FA2H: variants seen among roughly 807,000 people sequenced by gnomAD.
The protein encoded by FA2H is fatty acid 2-hydroxylase, also known as fatty acid alpha-hydroxylase.
In FA2H, 22 loss-of-function variants were observed where a neutral mutation model predicts 44.9. The ratio of observed to expected loss-of-function variants is 0.49; its 90% CI spans 0.35 to 0.70. FA2H has a LOEUF of 0.70. FA2H is among the 30% of genes least tolerant of loss of function. The pLI is 0.01. For missense variants in FA2H, 501 were observed against 504.9 expected (o/e 0.99, Z 0.07); for synonymous variants, 243 against 213.2 (o/e 1.14, Z -1.22).
rs936917236 is a variant in FA2H, at chr16:74,732,879, C to T, written c.364-5493G>A. The stretch of plus-strand genomic sequence containing the variant: ...AAAAGCACAGAACTGTCGTGGAAAC[C>T]GGAGCTAGACCGTGGAAGATGTGTT... On this transcript the variant is annotated intron_variant, in intron 2 of 6. Coordinates refer to ENST00000219368, the MANE Select transcript of FA2H (RefSeq NM_024306.5). 3.9e-5 allele frequency among the ~76,000 whole-genome samples: 6 copies of T among 152,206 alleles called. 1 individual carries two copies. Among genetic ancestry groups the T allele is most frequent in the Admixed American group, 1.3e-4 (2 of 15,284 alleles).
chr16:74,732,890 C>T (rs770761706), intron 2 of FA2H, among the ~76,000 whole-genome samples: 20 of 152,212 alleles, frequency 1.3e-4, no homozygotes, highest in Non-Finnish European at 2.5e-4. Context: ...GGAGCTAGAC[C>T]GTGGAAGATG....
At chr16:74,763,245 T>C (rs1962744973) in intron 1 of FA2H, among the ~76,000 whole-genome samples, 1 of 152,132 alleles carries the variant, frequency 6.6e-6, no homozygotes, top group African/African-American at 2.4e-5. Flanking sequence ...TTATAAGTTA[T>C]TAACGTTTGG....
intron 2 of FA2H, among the ~76,000 whole-genome samples, chr16:74,727,913 C>T (rs1961992858): frequency 6.6e-6 from 1 of 152,148 alleles, no homozygotes; most frequent in African/African-American, 2.4e-5. Context: ...TTCATTCAAT[C>T]ATTTATTCAG....
At chr16:74,727,644 T>C (rs1487417832) in intron 2 of FA2H, among the ~76,000 whole-genome samples, 4 of 152,198 alleles carry the variant, frequency 2.6e-5, no homozygotes, top group Non-Finnish European at 5.9e-5. Context: ...CTCTTTCTGT[T>C]GGAGGTGCTA....
intron 1 of FA2H, among the ~76,000 whole-genome samples, chr16:74,745,375 G>A (rs1386217484): frequency 6.6e-6 from 1 of 152,234 alleles, no homozygotes; most frequent in African/African-American, 2.4e-5. Context: ...TAGCGAGCAG[G>A]TGGGTGGCCT....
At chr16:74,760,687 G>A (rs1165526706) in intron 1 of FA2H, among the ~76,000 whole-genome samples, 1 of 152,178 alleles carries the variant, frequency 6.6e-6, no homozygotes, top group Admixed American at 6.5e-5. Flanking sequence ...AACAGCTTCC[G>A]CCTAAGGATC....
At chr16:74,734,959 C>G (rs1962151832) in intron 2 of FA2H, among the ~76,000 whole-genome samples, 1 of 152,222 alleles carries the variant, frequency 6.6e-6, no homozygotes, top group African/African-American at 2.4e-5. Flanking sequence ...GGCTTCCAGG[C>G]AGCCGGGGCT....
At chr16:74,739,980 G>C in intron 2 of FA2H, 43 bp downstream of exon 2, 1 of 1,444,946 alleles carries the variant, frequency 6.9e-7, no homozygotes, top group Non-Finnish European at 9.7e-7. Flanking sequence ...CCTCATTCCC[G>C]CCAGCCCCCA....
chr16:74,758,857 C>G (rs998795489), intron 1 of FA2H, among the ~76,000 whole-genome samples: 2 of 152,224 alleles, frequency 1.3e-5, no homozygotes, highest in African/African-American at 2.4e-5. Flanking sequence ...GCCCTTTCAG[C>G]AGGTACCGCT....
chr16:74,739,988 C>A, intron 2 of FA2H, 35 bp downstream of exon 2: 1 of 1,502,858 alleles, frequency 6.7e-7, no homozygotes, highest in South Asian at 1.1e-5. Context: ...CCGCCAGCCC[C>A]CAGTCATCAC....
chr16:74,713,996 T>G lies in FA2H; in HGVS notation c.*194A>C. 1 of 580,656 alleles carries G rather than the reference T, an allele frequency of 1.7e-6. No individual in the cohort carries two copies. The highest frequency in any genetic ancestry group is 3.1e-6 in the Non-Finnish European group (1 of 324,362). 36.0% of individuals were successfully genotyped at this position (580,656 alleles called of 1,614,324 possible). Reference sequence around the variant, plus strand: ...AAGGGCCACCTGGCCACCAAGTGGATGTGACCCTCCTACCAGGGGTCAGGA... The same window carrying G: ...AAGGGCCACCTGGCCACCAAGTGGAGGTGACCCTCCTACCAGGGGTCAGGA... On this transcript the variant is annotated 3_prime_UTR_variant, in exon 7 of 7. Transcript: ENST00000219368.
At position 74,716,524 on chromosome 16, in the gene FA2H, T is replaced by G. The variant is rs573296085; in HGVS notation, c.862A>C (p.Met288Leu). Residue 288 changes from methionine (M) to leucine (L), a missense_variant, in exon 6 of 7, where the codon ATG becomes CTG. By Grantham distance (15) the Met-to-Leu change is conservative. Coordinates refer to ENST00000219368, the MANE Select transcript of FA2H (RefSeq NM_024306.5). ...ACTGCCTCGGGCAGGATGAGCTGCA[T>G]GCACAAGTAGAAGACGCCGATCACC... ...SLVIGVFYLC[M>L]QLILPEAVGG... 3.1e-6 allele frequency: 5 copies of G among 1,612,612 alleles called. No homozygotes were observed.
chr16:74,733,259 T>G (rs1408878288), intron 2 of FA2H, among the ~76,000 whole-genome samples: 2 of 152,190 alleles, frequency 1.3e-5, no homozygotes, highest in African/African-American at 4.8e-5. Flanking sequence ...GGCCAACACC[T>G]ATAGTTCTAT....
intron 1 of FA2H, among the ~76,000 whole-genome samples, chr16:74,755,921 C>T (rs1314881545): frequency 6.6e-6 from 1 of 152,184 alleles, no homozygotes; most frequent in African/African-American, 2.4e-5. Flanking sequence ...CAACGATATG[C>T]CTCCTTACAG....
chr16:74,766,537 G>A (rs1359072530), intron 1 of FA2H, among the ~76,000 whole-genome samples: 1 of 152,104 alleles, frequency 6.6e-6, no homozygotes, highest in Non-Finnish European at 1.5e-5. Context: ...AGAGACAATG[G>A]GGAACAGAGG....
chr16:74,750,194 G>A (rs1962503422), intron 1 of FA2H, among the ~76,000 whole-genome samples: 1 of 152,152 alleles, frequency 6.6e-6, no homozygotes. Context: ...CCTCAAGTAG[G>A]TTTACAGGAT....
intron 2 of FA2H, among the ~76,000 whole-genome samples, chr16:74,736,165 G>A (rs912177296): frequency 2.6e-5 from 4 of 152,164 alleles, no homozygotes; most frequent in Admixed American, 6.5e-5. Context: ...TTTGAGCACC[G>A]CTGAGCTCCT....
At chr16:74,719,980 A>C (rs367836497) in intron 4 of FA2H, among the ~76,000 whole-genome samples, 1 of 152,076 alleles carries the variant, frequency 6.6e-6, no homozygotes, top group East Asian at 1.9e-4. Context: ...GAAGATGTGA[A>C]AACACTGAAG....
intron 1 of FA2H, among the ~76,000 whole-genome samples, chr16:74,752,278 G>A (rs1962540629): frequency 6.6e-6 from 1 of 152,106 alleles, no homozygotes; most frequent in African/African-American, 2.4e-5. Flanking sequence ...ATCAAATGTA[G>A]AGAAAATCTG....
Sources: gnomAD v4.1 joint callset for allele counts (sites outside exome capture counted in the v4.1 genomes callset) on GRCh38, gnomAD v4.1.1 for gene constraint, MANE v1.5 for transcripts, NCBI Gene and HGNC (gene_info 2026-07-23, HGNC 2026-07-21) for gene names.